The following PCDHGA2 variants were observed in gnomAD, a reference collection of about 807,000 sequenced individuals.
PCDHGA2 encodes the protein protocadherin gamma-A2.
PCDHGA2 carries 40 observed loss-of-function variants against 59.2 expected under a neutral mutation model. The observed-to-expected ratio is 0.68, with a 90% CI of 0.52 to 0.88. PCDHGA2 has a LOEUF of 0.88. Ranked by LOEUF, PCDHGA2 falls within the 40% of genes least tolerant of loss-of-function variation. PCDHGA2 has a pLI of 0.00. For missense variants in PCDHGA2, 1,226 were observed against 1,204.0 expected, an observed-to-expected ratio of 1.02 and a Z score of -0.27; for synonymous variants, 560 against 526.0, an observed-to-expected ratio of 1.06 and a Z score of -0.89.
intron 1 of PCDHGA2, chr5:141,413,903 C>T (rs1038159413): frequency 2.5e-6 from 4 of 1,613,308 alleles, no homozygotes; most frequent in Non-Finnish European, 3.4e-6. Flanking sequence ...AATGACAACG[C>T]GCCGGTCTTC....
At chr5:141,484,873 G>A (rs754469397) in intron 1 of PCDHGA2, 50 of 322,006 alleles carry the variant, frequency 1.6e-4, no homozygotes, top group Non-Finnish European at 2.5e-4. Flanking sequence ...GAGCGTGGAG[G>A]ATAGGGTGGG....
intron 1 of PCDHGA2, chr5:141,371,159 G>A: frequency 6.2e-7 from 1 of 1,614,024 alleles, no homozygotes; most frequent in Non-Finnish European, 8.5e-7. Flanking sequence ...CAGAGAACCT[G>A]CCCGCTGGCT....
intron 1 of PCDHGA2, chr5:141,372,284 T>C: frequency 6.2e-7 from 1 of 1,613,190 alleles, no homozygotes; most frequent in Non-Finnish European, 8.5e-7. Context: ...GCACGGCGCG[T>C]ACCTTGGGCG....
chr5:141,404,047 A>G, intron 1 of PCDHGA2: 1 of 1,613,860 alleles, frequency 6.2e-7, no homozygotes, highest in Non-Finnish European at 8.5e-7. Context: ...AGGGAACAGT[A>G]ATTCTTCTTT....
At chr5:141,376,643 A>G (rs1465583488) in intron 1 of PCDHGA2, 17 of 1,013,920 alleles carry the variant, frequency 1.7e-5, no homozygotes, top group Non-Finnish European at 2.4e-5. Context: ...GATTTTGTAA[A>G]GTGGAAGACT....
At chr5:141,362,567 ATTAAT>A in intron 1 of PCDHGA2, 1 of 1,607,936 alleles carries the variant, frequency 6.2e-7, no homozygotes, top group Non-Finnish European at 8.5e-7. Context: ...GTGAGCTTTA[ATTAAT>A]TTATTTTCAC....
intron 1 of PCDHGA2, among the ~76,000 whole-genome samples, chr5:141,368,118 A>C (rs896059920): frequency 6.6e-6 from 1 of 152,226 alleles, no homozygotes; most frequent in Non-Finnish European, 1.5e-5. Context: ...TCTTATTAAA[A>C]TATTCTTAAT....
chr5:141,490,985 C>T lies in PCDHGA2; in HGVS notation c.2425-3822C>T. On this transcript the variant is annotated intron_variant, in intron 1 of 3. Transcript: ENST00000394576. This position sits in a 1 kb window ranked among gnomAD's most constrained non-coding sequence, Gnocchi z 5.4. ...TCAGCCCCCCAGCGTCTCCCTCGCT[C>T]TGCTCCTCCTGGCTCCTTGGTCACC... The T allele has an allele frequency of 1.9e-6, 3 of 1,614,128 alleles. No individual in the cohort carries two copies. The highest frequency in any genetic ancestry group is 2.5e-6 in the Non-Finnish European group (3 of 1,180,032).
chr5:141,404,952 G>A (rs2094589054), intron 1 of PCDHGA2: 3 of 1,614,030 alleles, frequency 1.9e-6, no homozygotes, highest in African/African-American at 1.3e-5. Flanking sequence ...ATAGCTGACA[G>A]CATCCCAGAC....
Position 141,491,680 on chromosome 5 carries a change from A to G in PCDHGA2, c.2425-3127A>G. The G allele has an allele frequency of 6.2e-7, 1 of 1,613,304 alleles. No individual in the cohort carries two copies. The highest frequency in any genetic ancestry group is 2.2e-5 in the East Asian group (1 of 44,820). ...TGACGCCATCCGGTCCCGCTCTAATACGCTGCGGGAGCGGAGCCAGGTGAG... is the reference window on the plus strand; with the variant it reads ...TGACGCCATCCGGTCCCGCTCTAATGCGCTGCGGGAGCGGAGCCAGGTGAG... On this transcript the variant is annotated intron_variant, in intron 1 of 3. Transcript: ENST00000394576. The surrounding 1 kb of genome is among the most constrained non-coding windows in gnomAD (Gnocchi z 6.9).
At chr5:141,433,401 A>ATCTATCTATCTC (rs1444244130) in intron 1 of PCDHGA2, among the ~76,000 whole-genome samples, 15 of 150,598 alleles carry the variant, frequency 1.0e-4, no homozygotes, top group African/African-American at 3.4e-4. Flanking sequence ...CTATCTATCT[A>ATCTATCTATCTC]TCTATTACTT....
chr5:141,372,630 A>G, intron 1 of PCDHGA2: 1 of 1,614,014 alleles, frequency 6.2e-7, no homozygotes, highest in Non-Finnish European at 8.5e-7. Flanking sequence ...CTACAGCGAA[A>G]GGACTTTGCC....
rs61612330 is a variant in PCDHGA2, at chr5:141,454,796, A to ATTTTTTTTTTTTTTTTT, written c.2425-39998_2425-39982dup. Among the ~76,000 whole-genome samples the ATTTTTTTTTTTTTTTTT allele has an allele frequency of 1.9e-3, 147 of 77,454 alleles. 11 individuals carry two copies. Among genetic ancestry groups the ATTTTTTTTTTTTTTTTT allele is most frequent in the Middle Eastern group, 0.017 (2 of 120 alleles). 50.8% of individuals were successfully genotyped at this position (77,454 alleles called of 152,430 possible). ...AAGGAAATAATCCTCCATGGTTCTA[A>ATTTTTTTTTTTTTTTTT]TTTTTTTTTTTTTTTTTTTTTTTTT... On this transcript the variant is annotated intron_variant, in intron 1 of 3. Coordinates refer to ENST00000394576, the MANE Select transcript of PCDHGA2 (RefSeq NM_018915.4).
At chr5:141,438,159 T>TA (rs974013542) in intron 1 of PCDHGA2, among the ~76,000 whole-genome samples, 44 of 152,258 alleles carry the variant, frequency 2.9e-4, no homozygotes, top group African/African-American at 9.9e-4. Context: ...ATGGCAAAGC[T>TA]AATTGGAAAA....
At position 141,362,530 on chromosome 5, in the gene PCDHGA2, C is replaced by T. The variant is rs769795967; in HGVS notation, c.2424+21135C>T. 70 of 1,613,818 alleles carry T rather than the reference C, an allele frequency of 4.3e-5. 1 individual carries two copies. The highest frequency in any genetic ancestry group is 8.3e-5 in the Admixed American group (5 of 59,998). Reference sequence around the variant, plus strand: ...TACAAATCATGGAGCCGCTGGGGTCCCTTTTGCCTCAGATACTATTTTGAA... The same window carrying T: ...TACAAATCATGGAGCCGCTGGGGTCTCTTTTGCCTCAGATACTATTTTGAA... On this transcript the variant is annotated intron_variant, in intron 1 of 3. Coordinates refer to ENST00000394576, the MANE Select transcript of PCDHGA2 (RefSeq NM_018915.4).
At chr5:141,388,492 A>G (rs2091380241) in intron 1 of PCDHGA2, 7 of 1,613,742 alleles carry the variant, frequency 4.3e-6, no homozygotes, top group South Asian at 1.1e-5. Flanking sequence ...TTGGACAGAG[A>G]AAAGCAGAAA....
intron 2 of PCDHGA2, among the ~76,000 whole-genome samples, chr5:141,502,478 A>G (rs2099814452): frequency 6.6e-6 from 1 of 150,896 alleles, no homozygotes; most frequent in Non-Finnish European, 1.5e-5. Flanking sequence ...CCGCAGCATC[A>G]CACTGGGACT....
chr5:141,390,573 C>T, intron 1 of PCDHGA2: 2 of 381,276 alleles, frequency 5.2e-6, no homozygotes, highest in Non-Finnish European at 9.4e-6. Context: ...TGGCTCTCTC[C>T]TAAAAAGTGA....
chr5:141,439,556 C>A (rs543620281), intron 1 of PCDHGA2, among the ~76,000 whole-genome samples: 1 of 152,268 alleles, frequency 6.6e-6, no homozygotes, highest in East Asian at 1.9e-4. Context: ...CTTCAGGCTG[C>A]AGTTCTAGAG....
Sources: gnomAD v4.1 joint callset for allele counts (sites outside exome capture counted in the v4.1 genomes callset) on GRCh38, gnomAD v4.1.1 for gene constraint, Gnocchi (gnomAD v3.1) non-coding constraint, MANE v1.5 for transcripts, NCBI Gene and HGNC (gene_info 2026-07-23, HGNC 2026-07-21) for gene names.